INPP5D: variants seen among roughly 807,000 people sequenced by gnomAD.
INPP5D encodes phosphatidylinositol 3,4,5-trisphosphate 5-phosphatase 1.
In INPP5D, 33 loss-of-function variants were observed where a neutral mutation model predicts 122.9. The ratio of observed to expected loss-of-function variants is 0.27; its 90% CI spans 0.20 to 0.36. The LOEUF is 0.36. Ranked by LOEUF, INPP5D falls within the 10% of genes least tolerant of loss-of-function variation. INPP5D has a pLI of 1.00. For missense variants in INPP5D, 1,053 were observed against 1,412.7 expected (o/e 0.75, Z 4.08); for synonymous variants, 584 against 576.2 (o/e 1.01, Z -0.19).
chr2:233,167,605 TGGAGGGCA>T (rs1401901099), intron 13 of INPP5D, among the ~76,000 whole-genome samples: 1 of 152,108 alleles, frequency 6.6e-6, no homozygotes, highest in Non-Finnish European at 1.5e-5. Context: ...TGGAGAGGGC[TGGAGGGCA>T]GAAAGCCTGT....
chr2:233,151,592 G>A (rs1377415576), intron 9 of INPP5D, among the ~76,000 whole-genome samples: 1 of 152,188 alleles, frequency 6.6e-6, no homozygotes, highest in East Asian at 1.9e-4. Flanking sequence ...CGGGCCCTGG[G>A]GCTCAGCAAG....
At position 233,077,389 on chromosome 2, in the gene INPP5D, A is replaced by C. The variant is rs539586349; in HGVS notation, c.135-1946A>C. ...AATCTAGTTAAACAGGGTCAAGTGC[A>C]GTGGCTCATGCCTGTAATCCCAGCA... On this transcript the variant is annotated intron_variant, in intron 1 of 26. Transcript: ENST00000445964. Among the ~76,000 whole-genome samples the C allele has an allele frequency of 2.0e-5, 3 of 152,266 alleles. No individual in the cohort carries two copies. The South Asian group carries it at 6.2e-4, about 32-fold the overall frequency.
intron 5 of INPP5D, among the ~76,000 whole-genome samples, chr2:233,138,684 TA>T (rs1199396857): frequency 6.6e-6 from 1 of 152,140 alleles, no homozygotes; most frequent in East Asian, 1.9e-4. Flanking sequence ...AATTAAAAAT[TA>T]GAAAAGCTAT....
At chr2:233,127,082 G>A (rs558024186) in intron 4 of INPP5D, among the ~76,000 whole-genome samples, 16 of 152,210 alleles carry the variant, frequency 1.1e-4, no homozygotes, top group Middle Eastern at 6.8e-3. Flanking sequence ...TACACCTCCC[G>A]CCAACTCCAT....
intron 9 of INPP5D, among the ~76,000 whole-genome samples, chr2:233,155,703 A>G (rs1694034506): frequency 6.6e-6 from 1 of 152,068 alleles, no homozygotes; most frequent in South Asian, 2.1e-4. Flanking sequence ...TATCAAAATA[A>G]TAAGTGTCAG....
intron 1 of INPP5D, among the ~76,000 whole-genome samples, chr2:233,074,623 T>G (rs1457683142): frequency 7.0e-6 from 1 of 142,036 alleles, no homozygotes; most frequent in Non-Finnish European, 1.5e-5. Context: ...TTTTTTTGTG[T>G]TTTTTTTTTG....
Position 233,060,453 on chromosome 2 carries a change from C to G in INPP5D, c.-26C>G, listed in dbSNP as rs779756143. 3.2e-6 allele frequency: 5 copies of G among 1,574,910 alleles called. No individual in the cohort carries two copies. The highest frequency in any genetic ancestry group is 4.3e-6 in the Non-Finnish European group (5 of 1,159,124). On this transcript the variant is annotated 5_prime_UTR_variant, in exon 1 of 27. Coordinates refer to ENST00000445964, the MANE Select transcript of INPP5D (RefSeq NM_001017915.3). The stretch of plus-strand genomic sequence containing the variant: ...TGTGGGTCCTGGGGGTGCCTGCCGG[C>G]CCGGCCGAGGAGGCCCACGCCCACC...
chr2:233,153,549 A>G (rs1574769448), intron 9 of INPP5D, among the ~76,000 whole-genome samples: 2 of 152,308 alleles, frequency 1.3e-5, no homozygotes, highest in East Asian at 3.9e-4. Context: ...GGAAGAAAAA[A>G]CAGAGACACT....
Position 233,164,549 on chromosome 2 carries a change from G to A in INPP5D, c.1555+125G>A, listed in dbSNP as rs1694278984. On this transcript the variant is annotated intron_variant, in intron 13 of 26. Coordinates refer to ENST00000445964, the MANE Select transcript of INPP5D (RefSeq NM_001017915.3). This position sits in a 1 kb window ranked among gnomAD's most constrained non-coding sequence, Gnocchi z 4.3. ...AGAGAGCCTCACATCCTCAGATCCTGGCTCAGTCCTCAGCAAATAGGGGTG... is the reference window on the plus strand; with the variant it reads ...AGAGAGCCTCACATCCTCAGATCCTAGCTCAGTCCTCAGCAAATAGGGGTG... 1 of 1,348,056 alleles carries A rather than the reference G, an allele frequency of 7.4e-7. No individual in the cohort carries two copies. The highest frequency in any genetic ancestry group is 9.7e-7 in the Non-Finnish European group (1 of 1,031,480). 83.5% of individuals were successfully genotyped at this position (1,348,056 alleles called of 1,614,324 possible).
At chr2:233,085,901 C>T (rs1171219661) in intron 2 of INPP5D, among the ~76,000 whole-genome samples, 1 of 152,150 alleles carries the variant, frequency 6.6e-6, no homozygotes, top group Non-Finnish European at 1.5e-5. Context: ...CTCCATGTTC[C>T]AGAGCCTTCT....
intron 5 of INPP5D, among the ~76,000 whole-genome samples, chr2:233,131,593 T>A (rs1693328783): frequency 6.6e-6 from 1 of 151,514 alleles, no homozygotes; most frequent in African/African-American, 2.4e-5. Flanking sequence ...CCAGCTACTC[T>A]GGAGGCTGAG....
chr2:233,202,381 G>A (rs980120610), intron 25 of INPP5D, among the ~76,000 whole-genome samples: 1 of 152,216 alleles, frequency 6.6e-6, no homozygotes, highest in Non-Finnish European at 1.5e-5. Context: ...GCATTTCTAT[G>A]TATGCACCTG....
At chr2:233,091,285 C>T (rs1232082278) in intron 2 of INPP5D, among the ~76,000 whole-genome samples, 1 of 152,194 alleles carries the variant, frequency 6.6e-6, no homozygotes, top group Non-Finnish European at 1.5e-5. Context: ...TAGCCCTTAT[C>T]GCTGTCTGCA....
In INPP5D at chr2:233,170,665, A is replaced by C; in HGVS notation, c.1900+61A>C. On this transcript the variant is annotated intron_variant, in intron 16 of 26. Coordinates refer to ENST00000445964, the MANE Select transcript of INPP5D (RefSeq NM_001017915.3). This position sits in a 1 kb window ranked among gnomAD's most constrained non-coding sequence, Gnocchi z 4.5. ...ACACCTGTAATCCCAGCACTTTAGGAGGCCGAGGCGGGCGGATCACGAGAT... is the reference window on the plus strand; with the variant it reads ...ACACCTGTAATCCCAGCACTTTAGGCGGCCGAGGCGGGCGGATCACGAGAT... 1 of 1,587,842 alleles carries C rather than the reference A, an allele frequency of 6.3e-7. No homozygotes were observed. Among genetic ancestry groups the C allele is most frequent in the Non-Finnish European group, 8.6e-7 (1 of 1,163,596 alleles).
Position 233,204,594 on chromosome 2 carries a change from G to A in INPP5D, c.3444G>A (p.Pro1148=), listed in dbSNP as rs766322758. 27 of 1,568,676 alleles carry A rather than the reference G, an allele frequency of 1.7e-5. No individual in the cohort carries two copies. The highest frequency in any genetic ancestry group is 2.2e-5 in the Non-Finnish European group (26 of 1,158,254). ...TPRPPLPVKS[P]AVLHLQHSKG... is the part of the protein sequence containing the mutation. Reference sequence around the variant, plus strand: ...GGCCGCCGCTGCCAGTCAAGAGCCCGGCGGTGCTGCACCTCCAGCACTCCA... The same window carrying A: ...GGCCGCCGCTGCCAGTCAAGAGCCCAGCGGTGCTGCACCTCCAGCACTCCA... Residue 1148 remains proline (P), a synonymous_variant, in exon 26 of 27, where the codon CCG becomes CCA. Transcript: ENST00000445964.
intron 13 of INPP5D, among the ~76,000 whole-genome samples, chr2:233,168,150 AAAAAG>A (rs1200717455): frequency 2.8e-4 from 42 of 152,226 alleles, no homozygotes; most frequent in African/African-American, 9.9e-4. Context: ...TAGCCACATT[AAAAAG>A]AAAACAAGTG....
Position 233,189,820 on chromosome 2 carries a change from A to C in INPP5D, c.2359-30A>C. On this transcript the variant is annotated intron_variant, in intron 21 of 26. Transcript: ENST00000445964. This position sits in a 1 kb window ranked among gnomAD's most constrained non-coding sequence, Gnocchi z 5.6. ...TCCCCTCACCTGTCCCTTGCCCATC[A>C]ACTCCAGTCCTGTGCCCTTCTCTCT... 1 of 1,607,540 alleles carries C rather than the reference A, an allele frequency of 6.2e-7. No individual in the cohort carries two copies. The highest frequency in any genetic ancestry group is 8.5e-7 in the Non-Finnish European group (1 of 1,177,278).
intron 2 of INPP5D, among the ~76,000 whole-genome samples, chr2:233,115,639 C>T (rs1321047897): frequency 1.3e-5 from 2 of 152,160 alleles, no homozygotes; most frequent in Admixed American, 6.5e-5. Flanking sequence ...CCTGAGTGAG[C>T]TCAGGTGCCA....
Position 233,108,643 on chromosome 2 carries a change from C to T in INPP5D, c.199-13464C>T, listed in dbSNP as rs143713689. Reference sequence around the variant, plus strand: ...AATCAGGCCATCTTTGTGAGATGTGCCAGCTCAAATTCCCTGCAGCCTGAC... The same window carrying T: ...AATCAGGCCATCTTTGTGAGATGTGTCAGCTCAAATTCCCTGCAGCCTGAC... On this transcript the variant is annotated intron_variant, in intron 2 of 26. Transcript: ENST00000445964. Among the ~76,000 whole-genome samples the T allele has an allele frequency of 2.5e-3, 376 of 152,288 alleles. 2 individuals carry two copies. The highest frequency in any genetic ancestry group is 8.6e-3 in the African/African-American group (356 of 41,548).
Sources: allele counts gnomAD v4.1 joint callset (sites outside exome capture counted in the v4.1 genomes callset), GRCh38; gene constraint gnomAD v4.1.1; non-coding constraint Gnocchi (gnomAD v3.1); transcripts MANE v1.5; gene names NCBI Gene and HGNC (gene_info 2026-07-23, HGNC 2026-07-21).